Variants in POLN observed in about 807,000 individuals in gnomAD.
POLN encodes DNA polymerase nu.
POLN carries 108 observed loss-of-function variants against 113.5 expected under a neutral mutation model. That is an observed-to-expected ratio of 0.95 (90% confidence interval 0.81 to 1.12). The LOEUF (loss-of-function observed/expected upper bound fraction) is 1.12. POLN is among the 50% of genes most tolerant of loss of function. The pLI, the probability that POLN is intolerant of heterozygous loss-of-function variation, is 0.00. For missense variants in POLN, 1,097 were observed against 1,077.1 expected (o/e 1.02, Z -0.26); for synonymous variants, 386 against 391.5 (o/e 0.99, Z 0.17).
At chr4:2,129,356 A>G in intron 17 of POLN, 100 bp from the exon 18 acceptor site, 3 of 751,256 alleles carry the variant, frequency 4.0e-6, no homozygotes, top group Non-Finnish European at 2.2e-6. Flanking sequence ...TGAAGTCCAG[A>G]GTTAAGATTT....
At chr4:2,072,834 C>T (rs375998956) in intron 25 of POLN, 134 bp downstream of exon 25, 120 of 913,400 alleles carry the variant, frequency 1.3e-4, no homozygotes, top group African/African-American at 9.2e-4. Context: ...CCAGCCTCCA[C>T]GGCTGTGCCT....
At chr4:2,241,989 G>C (rs915097436) in intron 1 of POLN, 62 bp downstream of exon 1, 1 of 985,432 alleles carries the variant, frequency 1.0e-6, no homozygotes, top group Non-Finnish European at 1.2e-6. Flanking sequence ...TGCAGACGGG[G>C]ATCGCGGCCA....
At chr4:2,172,268 C>G (rs1002401974) in intron 11 of POLN, among the ~76,000 whole-genome samples, 2 of 152,176 alleles carry the variant, frequency 1.3e-5, no homozygotes, top group African/African-American at 4.8e-5. Context: ...AATTGAACCT[C>G]TGAACTGGGC....
At chr4:2,078,470 CTTCTTT>C in intron 23 of POLN, 2 of 651,392 alleles carry the variant, frequency 3.1e-6, no homozygotes, top group South Asian at 6.8e-5. Flanking sequence ...GAATCTTCTT[CTTCTTT>C]TTTTTTTTTT....
Position 2,210,624 on chromosome 4 carries a change from TAATAATAA to T in POLN, c.214-2145_214-2138del, listed in dbSNP as rs1313582056. ...ATAATAATAATAATAATAATAATAA[TAATAATAA>T]AAAAAAGAGGCCGGGCATGGTGGCT... On this transcript the variant is annotated intron_variant, in intron 4 of 25. Transcript: ENST00000511885. Among the ~76,000 whole-genome samples, 46 of 126,132 alleles carry T rather than the reference TAATAATAA, an allele frequency of 3.6e-4. 3 individuals are homozygous for T. Among genetic ancestry groups the T allele is most frequent in the African/African-American group, 1.4e-3 (39 of 28,726 alleles). The allele number at this position is 126,132 out of a possible 152,430, so 82.7% of individuals were successfully genotyped here. A position where few individuals can be genotyped will look rare whatever the true frequency, so the allele number is the denominator to read the frequency against.
chr4:2,194,303 G>C (rs1733523114), intron 6 of POLN, among the ~76,000 whole-genome samples: 1 of 152,128 alleles, frequency 6.6e-6, no homozygotes, highest in South Asian at 2.1e-4. Flanking sequence ...AAGATTCTTT[G>C]GTTAGAGCTG....
At chr4:2,111,836 A>G (rs1731201359) in intron 19 of POLN, among the ~76,000 whole-genome samples, 1 of 152,246 alleles carries the variant, frequency 6.6e-6, no homozygotes, top group African/African-American at 2.4e-5. Context: ...TATAGATTCA[A>G]TGCCATCCCC....
intron 13 of POLN, among the ~76,000 whole-genome samples, chr4:2,163,027 C>CG (rs1452849031): frequency 3.0e-5 from 2 of 66,556 alleles, no homozygotes; most frequent in African/African-American, 5.5e-5. Context: ...CAGTTCCTAC[C>CG]AAAAAAAAAA....
intron 16 of POLN, among the ~76,000 whole-genome samples, chr4:2,145,695 G>GT (rs1231785777): frequency 1.3e-5 from 2 of 152,192 alleles, no homozygotes; most frequent in Non-Finnish European, 2.9e-5. Context: ...CACACTGCAG[G>GT]TGAGAACATG....
chr4:2,236,165 T>C (rs886109817), intron 2 of POLN: 6 of 944,788 alleles, frequency 6.4e-6, no homozygotes, highest in Admixed American at 2.2e-5. Flanking sequence ...ACATTTTCTT[T>C]AATATCTTTT....
intron 13 of POLN, among the ~76,000 whole-genome samples, chr4:2,160,294 T>C (rs1732547958): frequency 6.6e-6 from 1 of 152,232 alleles, no homozygotes; most frequent in Non-Finnish European, 1.5e-5. Context: ...AGTTAAAAAA[T>C]TGATTTGTGT....
At chr4:2,130,823 A>G (rs1310695627) in intron 17 of POLN, among the ~76,000 whole-genome samples, 2 of 152,220 alleles carry the variant, frequency 1.3e-5, no homozygotes. Flanking sequence ...ATGCAAATAC[A>G]GAGAACTTCA....
intron 16 of POLN, among the ~76,000 whole-genome samples, chr4:2,148,585 T>C (rs1010757955): frequency 2.6e-5 from 4 of 152,134 alleles, no homozygotes; most frequent in African/African-American, 9.6e-5. Context: ...GAGAATTGCT[T>C]GAACCCAGGA....
intron 7 of POLN, among the ~76,000 whole-genome samples, chr4:2,190,128 G>A (rs1733403090): frequency 6.6e-6 from 1 of 151,910 alleles, no homozygotes; most frequent in South Asian, 2.1e-4. Context: ...AACAAAGCTG[G>A]AGGAATCACC....
intron 2 of POLN, chr4:2,230,942 T>C (rs955711797): frequency 2.0e-5 from 3 of 152,228 alleles, no homozygotes; most frequent in African/African-American, 7.2e-5. Flanking sequence ...CTGATTAAAA[T>C]AGTATCATAC....
At chr4:2,101,063 C>T (rs188468851) in intron 19 of POLN, among the ~76,000 whole-genome samples, 87 of 151,954 alleles carry the variant, frequency 5.7e-4, no homozygotes, top group Non-Finnish European at 1.1e-3. Context: ...ACAACTGGCT[C>T]ACCATGGTGG....
At chr4:2,178,827 G>A (rs1181425365) in intron 8 of POLN, among the ~76,000 whole-genome samples, 5 of 152,112 alleles carry the variant, frequency 3.3e-5, no homozygotes. Flanking sequence ...GGCTAGGTTG[G>A]TCTTGAACTC....
At chr4:2,099,461 G>T (rs566827175) in intron 19 of POLN, among the ~76,000 whole-genome samples, 53 of 152,282 alleles carry the variant, frequency 3.5e-4, no homozygotes, top group African/African-American at 1.2e-3. Context: ...GAAAAACATC[G>T]GACAAACACC....
chr4:2,221,004 C>T (rs947343868), intron 3 of POLN, among the ~76,000 whole-genome samples: 1 of 152,024 alleles, frequency 6.6e-6, no homozygotes, highest in African/African-American at 2.4e-5. Context: ...TACATAATGA[C>T]GGAGCATGTC....
Sources: allele counts gnomAD v4.1 joint callset (sites outside exome capture counted in the v4.1 genomes callset), GRCh38; gene constraint gnomAD v4.1.1; transcripts MANE v1.5; gene names NCBI Gene and HGNC (gene_info 2026-07-23, HGNC 2026-07-21).